The following GATAD2A variants were observed in gnomAD, a reference collection of about 807,000 sequenced individuals.
The protein encoded by GATAD2A is GATA zinc finger domain containing 2A, also known as transcriptional repressor p66-alpha.
GATAD2A carries 12 observed loss-of-function variants against 68.5 expected under a neutral mutation model. That is an observed-to-expected ratio of 0.18 (90% confidence interval 0.11 to 0.28). The LOEUF (loss-of-function observed/expected upper bound fraction) is 0.28. Among genes scored for constraint, GATAD2A ranks in the 10% least tolerant of loss-of-function variants. GATAD2A has a pLI of 1.00. For missense variants in GATAD2A, 755 were observed against 868.5 expected, an observed-to-expected ratio of 0.87 and a Z score of 1.64; for synonymous variants, 410 against 375.3, an observed-to-expected ratio of 1.09 and a Z score of -1.07.
At chr19:19,407,759 A>G (rs1052675393) in intron 1 of GATAD2A, among the ~76,000 whole-genome samples, 1 of 152,236 alleles carries the variant, frequency 6.6e-6, no homozygotes, top group African/African-American at 2.4e-5. Flanking sequence ...GTTAGTTGCT[A>G]CTTTGCATTC....
upstream of GATAD2A, among the ~76,000 whole-genome samples, chr19:19,401,160 A>T (rs2049697848): frequency 6.7e-6 from 1 of 150,304 alleles, no homozygotes; most frequent in Non-Finnish European, 1.5e-5. Context: ...AAAAAAAAAA[A>T]AGTAGTCAGT....
intron 1 of GATAD2A, among the ~76,000 whole-genome samples, chr19:19,450,082 C>T (rs1046098277): frequency 2.0e-5 from 3 of 152,194 alleles, no homozygotes; most frequent in East Asian, 3.8e-4. Flanking sequence ...TGAGCCACTG[C>T]ACCTGGTCCC....
intron 1 of GATAD2A, chr19:19,427,711 G>T (rs2053265026): frequency 6.4e-6 from 1 of 156,148 alleles, no homozygotes; most frequent in Admixed American, 6.5e-5. Context: ...GTCTTATTCT[G>T]TCGCCAGGCT....
At chr19:19,401,494 C>T (rs868412531), upstream of GATAD2A, among the ~76,000 whole-genome samples, 4 of 151,822 alleles carry the variant, frequency 2.6e-5, no homozygotes, top group African/African-American at 4.8e-5. Context: ...ATTACAGGTG[C>T]GAGCCACTGC....
At chr19:19,500,840 C>T (rs2060478566) in intron 8 of GATAD2A, among the ~76,000 whole-genome samples, 1 of 152,234 alleles carries the variant, frequency 6.6e-6, no homozygotes, top group South Asian at 2.1e-4. Context: ...AACTCGTACA[C>T]AAGCAAGGGT....
exon 1 of GATAD2A, chr19:19,385,934 C>T (rs2048382140): frequency 6.7e-6 from 1 of 148,340 alleles, no homozygotes. Context: ...CGCGCGCACG[C>T]GCACCCCCGC....
intron 8 of GATAD2A, among the ~76,000 whole-genome samples, chr19:19,499,715 C>T (rs1416648172): frequency 6.6e-6 from 1 of 152,086 alleles, no homozygotes; most frequent in Non-Finnish European, 1.5e-5. Context: ...TTGCGTGGGG[C>T]TGGGCCTGGC....
At chr19:19,504,575 G>A (rs1334010366) in intron 11 of GATAD2A, among the ~76,000 whole-genome samples, 2 of 151,898 alleles carry the variant, frequency 1.3e-5, no homozygotes, top group Non-Finnish European at 2.9e-5. Context: ...ATTGCTTGAG[G>A]CCTGGAGTTT....
At chr19:19,466,651 G>A (rs772625607) in intron 2 of GATAD2A, among the ~76,000 whole-genome samples, 12 of 152,196 alleles carry the variant, frequency 7.9e-5, no homozygotes, top group Non-Finnish European at 1.6e-4. Context: ...CGTTTAAAAT[G>A]GGAAGATAAA....
rs935165878 is a variant in GATAD2A at position 19,502,029 on chromosome 19, G to C, written c.1564G>C (p.Gly522Arg). ...AGGAGAGGCCCGCGACTGGAGTAACGGGGCTGTGCTACAGGTCAGAACCGC... is the reference window on the plus strand; with the variant it reads ...AGGAGAGGCCCGCGACTGGAGTAACCGGGCTGTGCTACAGGTCAGAACCGC... The part of the protein sequence containing the change: ...RSGEARDWSN[G>R]AVLQASSQLS... Residue 522 changes from glycine to arginine, a missense_variant, in exon 10 of 12, where the codon GGG (glycine) becomes CGG (arginine). By Grantham distance (125) the Gly-to-Arg change is moderately radical (BLOSUM62 -2). Transcript: ENST00000683918. 6.2e-7 allele frequency: 1 copy of C among 1,613,494 alleles called. No homozygotes were observed. Among genetic ancestry groups the C allele is most frequent in the Non-Finnish European group, 8.5e-7 (1 of 1,179,596 alleles).
At chr19:19,492,063 C>T (rs915287598) in intron 2 of GATAD2A, among the ~76,000 whole-genome samples, 4 of 152,332 alleles carry the variant, frequency 2.6e-5, no homozygotes, top group Admixed American at 6.5e-5. Flanking sequence ...GGCGACATGG[C>T]GGCAGGCATG....
At chr19:19,469,864 T>C (rs1343565049) in intron 2 of GATAD2A, among the ~76,000 whole-genome samples, 1 of 151,964 alleles carries the variant, frequency 6.6e-6, no homozygotes, top group Non-Finnish European at 1.5e-5. Flanking sequence ...GGAGAATCAC[T>C]TGAATCCGTG....
intron 2 of GATAD2A, chr19:19,474,212 G>T (rs1333921285): frequency 2.1e-6 from 2 of 963,102 alleles, no homozygotes; most frequent in Non-Finnish European, 2.5e-6. Flanking sequence ...AGGGAAGGGA[G>T]AGGAGGGTGA....
chr19:19,388,057 C>CTTTTTTTTTTTTT (rs1568686046), intron 1 of GATAD2A, among the ~76,000 whole-genome samples: 1 of 125,984 alleles, frequency 7.9e-6, no homozygotes. Flanking sequence ...AGCTTCTCCT[C>CTTTTTTTTTTTTT]CTTTTTTTTT....
upstream of GATAD2A, chr19:19,405,649 T>C (rs2050130753): frequency 6.6e-6 from 1 of 151,398 alleles, no homozygotes; most frequent in Admixed American, 6.6e-5. Context: ...TCCTCCCTTC[T>C]CGTCAGGCCC....
intron 1 of GATAD2A, among the ~76,000 whole-genome samples, chr19:19,409,777 C>A (rs1486610329): frequency 6.6e-6 from 1 of 152,198 alleles, no homozygotes; most frequent in Admixed American, 6.5e-5. Context: ...AGATCCCGCT[C>A]GAGCATGGGT....
chr19:19,390,327 G>A (rs951096914), intron 1 of GATAD2A, among the ~76,000 whole-genome samples: 1 of 152,092 alleles, frequency 6.6e-6, no homozygotes, highest in Non-Finnish European at 1.5e-5. Context: ...ATGAACTGGA[G>A]GTGGACAGCA....
intron 1 of GATAD2A, among the ~76,000 whole-genome samples, chr19:19,418,459 A>G (rs559902591): frequency 7.9e-5 from 12 of 152,368 alleles, no homozygotes; most frequent in African/African-American, 2.9e-4. Flanking sequence ...AAATAGCAGC[A>G]GATGGATGGA....
intron 1 of GATAD2A, among the ~76,000 whole-genome samples, chr19:19,415,164 G>GT (rs1273481435): frequency 7.9e-6 from 1 of 126,810 alleles, no homozygotes; most frequent in Non-Finnish European, 1.6e-5. Flanking sequence ...TTTTTTTTAT[G>GT]TTTTTTAGAC....
Sources: allele counts gnomAD v4.1 joint callset (sites outside exome capture counted in the v4.1 genomes callset), GRCh38; gene constraint gnomAD v4.1.1; transcripts MANE v1.5; gene names NCBI Gene and HGNC (gene_info 2026-07-23, HGNC 2026-07-21).